The following POLA2 variants were observed in gnomAD, a reference collection of about 807,000 sequenced individuals.
The protein encoded by POLA2 is DNA polymerase alpha subunit B.
A neutral mutation model predicts 82.8 loss-of-function variants in POLA2; 47 were observed. The observed-to-expected ratio is 0.57, with a 90% CI of 0.45 to 0.72. The LOEUF (loss-of-function observed/expected upper bound fraction) is 0.72. Among genes scored for constraint, POLA2 ranks in the 30% least tolerant of loss-of-function variants. The pLI is 0.00. For missense variants in POLA2, 634 were observed against 728.1 expected (o/e 0.87, Z 1.49); for synonymous variants, 287 against 286.8 (o/e 1.00, Z -0.01).
intron 12 of POLA2, 53 bp from the exon 13 acceptor site, chr11:65,289,746 G>A (rs968555703): frequency 4.1e-6 from 5 of 1,211,758 alleles, no homozygotes; most frequent in Non-Finnish European, 6.1e-6. Context: ...TTAAACAAGT[G>A]AATAAACACC....
chr11:65,278,847 G>C lies in POLA2; in HGVS notation c.579G>C (p.Leu193=). 1.2e-6 allele frequency: 2 copies of C among 1,613,878 alleles called. No homozygotes were observed. The highest frequency in any genetic ancestry group is 1.7e-6 in the Non-Finnish European group (2 of 1,180,014). ...GAGGAGGAGCTGGAAACATCAGCCT[G>C]AAGGTCTTGGGATGTCCAGAGGCAC... is the stretch of plus-strand genomic sequence containing the variant. The part of the protein sequence containing the change: ...SGRGGAGNIS[L]KVLGCPEALT... Residue 193 remains leucine, a synonymous_variant, in exon 6 of 18, where the codon CTG becomes CTC. Coordinates refer to ENST00000265465, the MANE Select transcript of POLA2 (RefSeq NM_002689.4).
Position 65,289,829 on chromosome 11 carries a change from AT to A in POLA2, c.1205del (p.Phe402SerfsTer25). On this transcript the variant is annotated frameshift_variant, in exon 13 of 18. Coordinates refer to ENST00000265465, the MANE Select transcript of POLA2 (RefSeq NM_002689.4). LOFTEE classifies it high-confidence loss of function. ...TCTACTGACAAGTCCATTTGAAGAC[AT>A]TTTCAAGCAGTGTCTACGAACAATT... ...NCLLTSPFED[I>X]FKQCLRTIIE... is the part of the protein sequence containing the mutation. 6.2e-7 allele frequency: 1 copy of A among 1,611,958 alleles called. No homozygotes were observed. The highest frequency in any genetic ancestry group is 1.1e-5 in the South Asian group (1 of 91,018).
intron 2 of POLA2, 135 bp downstream of exon 2, chr11:65,266,841 A>G (rs1044242397): frequency 8.9e-6 from 7 of 786,844 alleles, no homozygotes; most frequent in African/African-American, 3.5e-5. Context: ...AGCTTGGACA[A>G]ACTATGTCCC....
chr11:65,283,728 C>A (rs1949665320), intron 10 of POLA2, among the ~76,000 whole-genome samples: 1 of 152,046 alleles, frequency 6.6e-6, no homozygotes, highest in Non-Finnish European at 1.5e-5. Context: ...CCTGCCTTGG[C>A]CTCTCAAAGT....
At chr11:65,268,886 T>C (rs751016743) in intron 4 of POLA2, among the ~76,000 whole-genome samples, 157 bp downstream of exon 4, 2 of 152,238 alleles carry the variant, frequency 1.3e-5, no homozygotes, top group South Asian at 4.1e-4. Context: ...GTCTAAATGT[T>C]TTACATAATG....
intron 8 of POLA2, 63 bp downstream of exon 8, chr11:65,281,210 G>A: frequency 6.5e-7 from 1 of 1,542,586 alleles, no homozygotes; most frequent in Non-Finnish European, 8.9e-7. Context: ...TGTAGGTGCT[G>A]TGCCATGCGC....
intron 13 of POLA2, among the ~76,000 whole-genome samples, chr11:65,292,229 C>T (rs1376739464): frequency 2.0e-5 from 3 of 152,148 alleles, no homozygotes; most frequent in Admixed American, 2.0e-4. Context: ...CAGCAAGACT[C>T]CATCTCAGAA....
Position 65,287,519 on chromosome 11 carries a change from CCTGTCT to C in POLA2, c.1007-188_1007-183del, listed in dbSNP as rs150929753. Reference sequence around the variant, plus strand: ...CATGTTCTAGGTATTCGTGTACCTGCCTGTCTCTGTCTCTATCACCTAGTGGAGTGT... The same window carrying C: ...CATGTTCTAGGTATTCGTGTACCTGCCTGTCTCTATCACCTAGTGGAGTGT... On this transcript the variant is annotated intron_variant, in intron 10 of 17. Coordinates refer to ENST00000265465, the MANE Select transcript of POLA2 (RefSeq NM_002689.4). 2,411 of 401,324 alleles carry C rather than the reference CCTGTCT, an allele frequency of 6.0e-3. 51 individuals are homozygous for C. The highest frequency in any genetic ancestry group is 0.045 in the African/African-American group (2,215 of 48,730). 24.9% of individuals were successfully genotyped at this position (401,324 alleles called of 1,614,324 possible). A position where few individuals can be genotyped will look rare whatever the true frequency, so the allele number is the denominator to read the frequency against.
intron 3 of POLA2, 97 bp downstream of exon 3, chr11:65,267,665 C>T: frequency 3.9e-6 from 3 of 763,680 alleles, no homozygotes; most frequent in East Asian, 2.9e-5. Flanking sequence ...AATAATAAGG[C>T]CGGGCACGGT....
At chr11:65,269,688 T>C (rs1949501901) in intron 4 of POLA2, among the ~76,000 whole-genome samples, 1 of 152,234 alleles carries the variant, frequency 6.6e-6, no homozygotes, top group Non-Finnish European at 1.5e-5. Flanking sequence ...TAATGGTAAC[T>C]ATTCTTTATA....
rs535865410 is a variant in POLA2, at chr11:65,297,528, G to A, written c.*259G>A. Reference sequence around the variant, plus strand: ...CAGAAGTAAGCCAGCTGTGGATCCCGCCCACTCAGAAAAGGCGAGAAGGCT... The same window carrying A: ...CAGAAGTAAGCCAGCTGTGGATCCCACCCACTCAGAAAAGGCGAGAAGGCT... On this transcript the variant is annotated 3_prime_UTR_variant, in exon 18 of 18. Transcript: ENST00000265465. The A allele has an allele frequency of 1.3e-4, 45 of 350,850 alleles. No homozygotes were observed. Among genetic ancestry groups the A allele is most frequent in the Non-Finnish European group, 1.8e-4 (36 of 195,424 alleles). 21.7% of individuals were successfully genotyped at this position (350,850 alleles called of 1,614,324 possible).
chr11:65,287,973 G>T, intron 11 of POLA2, 133 bp downstream of exon 11: 1 of 979,608 alleles, frequency 1.0e-6, no homozygotes, highest in Non-Finnish European at 1.5e-6. Flanking sequence ...CTACATCTTT[G>T]GAGAGGTATA....
At chr11:65,269,486 CAA>C (rs1294987727) in intron 4 of POLA2, among the ~76,000 whole-genome samples, 46 of 100,012 alleles carry the variant, frequency 4.6e-4, no homozygotes, top group African/African-American at 1.8e-3. Context: ...GACTCCGTCT[CAA>C]AAAAAAAAAA....
In POLA2 at chr11:65,295,546, C is replaced by T. The variant is rs758127401; in HGVS notation, c.1467C>T (p.Ser489=). 19 of 1,613,584 alleles carry T rather than the reference C, an allele frequency of 1.2e-5. No homozygotes were observed. Among genetic ancestry groups the T allele is most frequent in the African/African-American group, 1.3e-5 (1 of 74,892 alleles). The change falls in exon 16 of 18, where the codon TCC becomes TCT. Residue 489 remains serine (S), a synonymous_variant. Coordinates refer to ENST00000265465, the MANE Select transcript of POLA2 (RefSeq NM_002689.4). ...HLGAEEISSS[S]GTSDRFSRIL... ...GCTTTCTTTTCTTTCCCAGTTCTTC[C>T]GGAACTTCAGACAGATTCAGCCGAA...
At chr11:65,287,456 C>T (rs1215455334) in intron 10 of POLA2, 2 of 284,522 alleles carry the variant, frequency 7.0e-6, no homozygotes, top group East Asian at 6.8e-5. Flanking sequence ...CCACTTTCCT[C>T]GAATCTTTCA....
At chr11:65,269,279 G>A (rs1418763117) in intron 4 of POLA2, among the ~76,000 whole-genome samples, 1 of 152,024 alleles carries the variant, frequency 6.6e-6, no homozygotes, top group East Asian at 1.9e-4. Flanking sequence ...TCAGGAGATC[G>A]AGACCATCCT....
chr11:65,271,238 G>T (rs1175761895), intron 4 of POLA2, among the ~76,000 whole-genome samples: 1 of 152,122 alleles, frequency 6.6e-6, no homozygotes, highest in Admixed American at 6.5e-5. Flanking sequence ...CAGCACCCTG[G>T]CATGTTAATA....
intron 10 of POLA2, among the ~76,000 whole-genome samples, chr11:65,285,194 A>G (rs1949683309): frequency 6.6e-6 from 1 of 152,066 alleles, no homozygotes. Context: ...TCACACGGTC[A>G]GGAGATAGAG....
At chr11:65,283,216 G>A (rs542434796) in intron 10 of POLA2, among the ~76,000 whole-genome samples, 1 of 152,266 alleles carries the variant, frequency 6.6e-6, no homozygotes, top group South Asian at 2.1e-4. Context: ...GAACATCAGT[G>A]GAACAACTAG....
Sources: gnomAD v4.1 joint callset for allele counts (sites outside exome capture counted in the v4.1 genomes callset) on GRCh38, gnomAD v4.1.1 for gene constraint, MANE v1.5 for transcripts, NCBI Gene and HGNC (gene_info 2026-07-23, HGNC 2026-07-21) for gene names.